The following SETD7 variants were observed in gnomAD, a reference collection of about 807,000 sequenced individuals.
The protein encoded by SETD7 is histone-lysine N-methyltransferase SETD7.
A neutral mutation model predicts 41.8 loss-of-function variants in SETD7; 16 were observed. The ratio of observed to expected loss-of-function variants is 0.38; its 90% confidence interval spans 0.26 to 0.58. The LOEUF (loss-of-function observed/expected upper bound fraction) is 0.58, where lower values mean the gene tolerates loss of function less well. Among genes scored for constraint, SETD7 ranks in the 20% least tolerant of loss-of-function variants. The probability of loss-of-function intolerance (pLI) is 0.64; values close to 1 mark genes in which losing one functional copy is unlikely to be tolerated. For missense variants in SETD7, 346 were observed against 459.7 expected (o/e 0.75, Z 2.26); for synonymous variants, 163 against 169.7 (o/e 0.96, Z 0.31).
chr4:139,500,326 C>T (rs147973657), intron 7 of SETD7, among the ~76,000 whole-genome samples: 39 of 152,286 alleles, frequency 2.6e-4, no homozygotes, highest in African/African-American at 8.9e-4. Flanking sequence ...CACCTGGGTC[C>T]CTACTCCCAC....
At chr4:139,500,666 G>A (rs571063322) in intron 7 of SETD7, among the ~76,000 whole-genome samples, 14 of 152,142 alleles carry the variant, frequency 9.2e-5, no homozygotes, top group Admixed American at 8.5e-4. Context: ...GCACCACCAC[G>A]CCCAGCTAAT....
At chr4:139,529,506 G>A (rs1727423582) in intron 3 of SETD7, among the ~76,000 whole-genome samples, 1 of 152,202 alleles carries the variant, frequency 6.6e-6, no homozygotes, top group South Asian at 2.1e-4. Flanking sequence ...ACAAGTTACT[G>A]ATACTCTATG....
intron 1 of SETD7, among the ~76,000 whole-genome samples, chr4:139,548,456 C>A (rs1728020354): frequency 6.6e-6 from 1 of 152,076 alleles, no homozygotes; most frequent in South Asian, 2.1e-4. Flanking sequence ...CACAGTGAAA[C>A]CCCGTCTTTA....
intron 7 of SETD7, among the ~76,000 whole-genome samples, chr4:139,516,925 C>T (rs1353099196): frequency 6.6e-6 from 1 of 152,156 alleles, no homozygotes; most frequent in East Asian, 1.9e-4. Context: ...TATCACCCCT[C>T]CCCAGCCCTA....
At chr4:139,544,797 A>AGTGTGTGTGTGTGTGTGTGT (rs10581648) in intron 2 of SETD7, among the ~76,000 whole-genome samples, 16 of 144,836 alleles carry the variant, frequency 1.1e-4, no homozygotes, top group African/African-American at 3.6e-4. Context: ...CCAGATTTAA[A>AGTGTGTGTGTGTGTGTGTGT]GTGTGTGTGT....
At position 139,509,187 on chromosome 4, in the gene SETD7, G is replaced by C. The variant is rs915929744; in HGVS notation, c.*2476C>G. On this transcript the variant is annotated 3_prime_UTR_variant, in exon 8 of 8. Coordinates refer to ENST00000274031, the MANE Select transcript of SETD7 (RefSeq NM_030648.4). ...GCCCAGGCGTTCTCACATATGCAGA[G>C]AGAAGAGGAAAGAGAGCCGGCCAGA... 6.5e-6 allele frequency: 1 copy of C among 152,976 alleles called. No homozygotes were observed. The highest frequency in any genetic ancestry group is 2.1e-4 in the South Asian group (1 of 4,840). The allele number at this position is 152,976 out of a possible 1,614,324, so 9.5% of individuals were successfully genotyped here. A position where few individuals can be genotyped will look rare whatever the true frequency, so the allele number is the denominator to read the frequency against.
intron 2 of SETD7, 149 bp from the exon 3 acceptor site, chr4:139,533,515 G>T (rs1727550025): frequency 1.1e-5 from 7 of 665,286 alleles, no homozygotes; most frequent in Admixed American, 8.2e-5. Flanking sequence ...CGACTGCTAG[G>T]AAAAGGTGCT....
intron 4 of SETD7, among the ~76,000 whole-genome samples, chr4:139,524,637 TC>T (rs1579209392): frequency 6.6e-6 from 1 of 152,214 alleles, no homozygotes; most frequent in East Asian, 1.9e-4. Context: ...GCCAGTGGCC[TC>T]CCTTTGGCCA....
intron 1 of SETD7, among the ~76,000 whole-genome samples, chr4:139,550,526 G>A (rs1231044041): frequency 6.6e-6 from 1 of 152,186 alleles, no homozygotes; most frequent in Non-Finnish European, 1.5e-5. Context: ...TTTCCTAGCA[G>A]TAGAACTTTA....
At chr4:139,542,281 G>A (rs538918207) in intron 2 of SETD7, among the ~76,000 whole-genome samples, 1 of 152,010 alleles carries the variant, frequency 6.6e-6, no homozygotes, top group Admixed American at 6.6e-5. Context: ...TTGGTCAACA[G>A]GTACAAAGTT....
At chr4:139,504,372 CT>C (rs1411316101), downstream of SETD7, among the ~76,000 whole-genome samples, 4 of 152,210 alleles carry the variant, frequency 2.6e-5, no homozygotes, top group East Asian at 7.7e-4. Context: ...TTACCATGAT[CT>C]ATCTGTCTAT....
At position 139,506,255 on chromosome 4, in the gene SETD7, T is replaced by C. The variant is rs541695271; in HGVS notation, c.*5408A>G. 24 of 152,594 alleles carry C rather than the reference T, an allele frequency of 1.6e-4. No homozygotes were observed. The highest frequency in any genetic ancestry group is 3.4e-4 in the Non-Finnish European group (23 of 68,034). 9.5% of individuals were successfully genotyped at this position (152,594 alleles called of 1,614,324 possible). ...ACATCTTTCATTAATTTCCCATAAT[T>C]TAAAAAAATCATAGAATTATAGATA... On this transcript the variant is annotated 3_prime_UTR_variant, in exon 8 of 8. Transcript: ENST00000274031.
intron 2 of SETD7, among the ~76,000 whole-genome samples, chr4:139,537,821 T>C (rs369446843): frequency 1.3e-5 from 2 of 152,234 alleles, no homozygotes; most frequent in African/African-American, 4.8e-5. Flanking sequence ...GCATACAGGC[T>C]GTACGTGAGG....
intron 2 of SETD7, among the ~76,000 whole-genome samples, chr4:139,543,259 A>G (rs1043870736): frequency 6.6e-6 from 1 of 152,226 alleles, no homozygotes; most frequent in African/African-American, 2.4e-5. Flanking sequence ...AGGGAGAAAA[A>G]GTAATAGACA....
intron 7 of SETD7, among the ~76,000 whole-genome samples, chr4:139,497,930 A>G (rs1242968830): frequency 2.0e-5 from 3 of 152,190 alleles, no homozygotes; most frequent in South Asian, 4.1e-4. Context: ...CAGAAACAGT[A>G]TGAGAATAAA....
chr4:139,554,352 A>G (rs1158783832), intron 1 of SETD7, among the ~76,000 whole-genome samples: 1 of 152,242 alleles, frequency 6.6e-6, no homozygotes, highest in Non-Finnish European at 1.5e-5. Flanking sequence ...ACAACTGGAC[A>G]TATGTTTGTA....
chr4:139,518,384 C>T lies in SETD7; in HGVS notation c.763-342G>A, dbSNP rs375200710. 7.2e-5 allele frequency among the ~76,000 whole-genome samples: 11 copies of T among 152,272 alleles called. No homozygotes were observed. In the East Asian group the frequency reaches 7.7e-4, roughly 11 times the overall value. ...CCTCAGATGATCTGCCCACCTTGGC[C>T]TCCCAAAGTGTTGGGATTACAGGTG... is the stretch of plus-strand genomic sequence containing the variant. On this transcript the variant is annotated intron_variant, in intron 6 of 7. Transcript: ENST00000274031.
At chr4:139,496,267 C>T (rs1252759262) in exon 8 of SETD7, 5 of 589,336 alleles carry the variant, frequency 8.5e-6, no homozygotes, top group South Asian at 2.1e-5. Context: ...TCCCAGAGTG[C>T]GATTTTGAGT....
rs554316277 is a variant in SETD7, at chr4:139,508,882, G to A, written c.*2781C>T. The A allele has an allele frequency of 6.6e-6, 1 of 152,096 alleles. No individual in the cohort carries two copies. The highest frequency in any genetic ancestry group is 1.9e-4 in the East Asian group (1 of 5,170). The allele number at this position is 152,096 out of a possible 1,614,324, so 9.4% of individuals were successfully genotyped here. A position where few individuals can be genotyped will look rare whatever the true frequency, so the allele number is the denominator to read the frequency against. On this transcript the variant is annotated 3_prime_UTR_variant, in exon 8 of 8. Transcript: ENST00000274031. The stretch of plus-strand genomic sequence containing the variant: ...TTCCTTATAGAACCTCCACTCCCTT[G>A]ACTTCTTTCCCTACCTACAGAACTC...
Sources: allele counts gnomAD v4.1 joint callset (sites outside exome capture counted in the v4.1 genomes callset), GRCh38; gene constraint gnomAD v4.1.1; transcripts MANE v1.5; gene names NCBI Gene and HGNC (gene_info 2026-07-23, HGNC 2026-07-21).